The following ABCB7 variants were observed in gnomAD, a reference collection of about 807,000 sequenced individuals.
The protein encoded by ABCB7 is ATP binding cassette subfamily B member 7.
In ABCB7, 7 loss-of-function variants were observed where a neutral mutation model predicts 54.4. The ratio of observed to expected loss-of-function variants is 0.13; its 90% confidence interval spans 0.07 to 0.24. The LOEUF (loss-of-function observed/expected upper bound fraction) is 0.24, where lower values mean the gene tolerates loss of function less well. Ranked by LOEUF, ABCB7 falls within the 10% of genes least tolerant of loss-of-function variation. The pLI is 1.00. For synonymous variants in ABCB7, 218 were observed against 207.1 expected, an observed-to-expected ratio of 1.05 and a Z score of -0.45; for missense variants, 356 against 570.4, an observed-to-expected ratio of 0.62 and a Z score of 3.83.
intron 1 of ABCB7, among the ~76,000 whole-genome samples, chrX:75,152,658 T>TG (rs2082140382): frequency 9.2e-6 from 1 of 108,349 alleles, no homozygotes; most frequent in African/African-American, 3.3e-5. Context: ...TTCAGGTCCT[T>TG]TTTTTTTTTT....
chrX:75,064,968 T>C (rs2081306721), intron 13 of ABCB7, 102 bp downstream of exon 13: 1 of 964,286 alleles, frequency 1.0e-6, no homozygotes, highest in African/African-American at 1.9e-5. Context: ...CAACGAGCAC[T>C]ACATTTGAAG....
At chrX:75,119,693 T>C (rs1439190236) in intron 1 of ABCB7, among the ~76,000 whole-genome samples, 10 of 112,047 alleles carry the variant, frequency 8.9e-5, no homozygotes, top group Non-Finnish European at 1.5e-4. Context: ...CTTTGGGCTG[T>C]ATTTATATAA....
At chrX:75,083,279 T>C (rs2081470729) in intron 4 of ABCB7, among the ~76,000 whole-genome samples, 1 of 111,253 alleles carries the variant, frequency 9.0e-6, no homozygotes, top group Non-Finnish European at 1.9e-5. Flanking sequence ...CCCCACCCCC[T>C]CTAGTTGTGA....
chrX:75,060,183 G>A, intron 15 of ABCB7, 40 bp downstream of exon 15: 2 of 1,039,640 alleles, frequency 1.9e-6, no homozygotes, highest in Admixed American at 4.4e-5. Context: ...ACAATTTCCA[G>A]TGTTCCTCAA....
intron 1 of ABCB7, 133 bp from the exon 2 acceptor site, chrX:75,114,964 G>A (rs918621770): frequency 1.9e-5 from 10 of 538,645 alleles, no homozygotes; most frequent in South Asian, 1.7e-4. Flanking sequence ...TGCTTTTAAC[G>A]TATGCCTAAA....
intron 4 of ABCB7, 23 bp downstream of exon 4, chrX:75,098,919 C>A (rs1370779722): frequency 5.0e-6 from 6 of 1,208,958 alleles, no homozygotes; most frequent in Non-Finnish European, 6.7e-6. Flanking sequence ...GTTAGAGCAA[C>A]CAAACAATGC....
chrX:75,062,194 G>A, intron 14 of ABCB7, 134 bp downstream of exon 14: 3 of 526,781 alleles, frequency 5.7e-6, no homozygotes, highest in Non-Finnish European at 6.4e-6. Context: ...ATGGAAAAAG[G>A]GGGATAGGCA....
chrX:75,106,296 A>G (rs938435608), intron 3 of ABCB7, among the ~76,000 whole-genome samples: 8 of 111,960 alleles, frequency 7.1e-5, no homozygotes, highest in African/African-American at 2.3e-4. Flanking sequence ...GAAGCGAGCT[A>G]AAGACATGAA....
chrX:75,095,693 T>A (rs2081584802), intron 4 of ABCB7, among the ~76,000 whole-genome samples: 1 of 112,519 alleles, frequency 8.9e-6, no homozygotes, highest in Non-Finnish European at 1.9e-5. Context: ...TTCTCCTGAT[T>A]CAAAAGAAAT....
At chrX:75,108,799 G>T (rs189375309) in intron 3 of ABCB7, among the ~76,000 whole-genome samples, 1 of 111,265 alleles carries the variant, frequency 9.0e-6, no homozygotes, top group Non-Finnish European at 1.9e-5. Context: ...ACTGATATCA[G>T]AAATACTCAC....
chrX:75,070,829 T>C (rs1416942732), intron 9 of ABCB7, among the ~76,000 whole-genome samples: 1 of 111,232 alleles, frequency 9.0e-6, no homozygotes, highest in Non-Finnish European at 1.9e-5. Context: ...AATGGTTTCT[T>C]TGTAGTGTAA....
At chrX:75,131,086 C>CA (rs373163620) in intron 1 of ABCB7, among the ~76,000 whole-genome samples, 61 of 106,944 alleles carry the variant, frequency 5.7e-4, no homozygotes, top group African/African-American at 9.5e-4. Flanking sequence ...AAATGAATCT[C>CA]AAAAAAAACA....
intron 1 of ABCB7, among the ~76,000 whole-genome samples, chrX:75,133,690 AG>A (rs1222854530): frequency 8.9e-6 from 1 of 112,366 alleles, no homozygotes; most frequent in East Asian, 2.8e-4. Context: ...GCATCTTTAA[AG>A]AAAAGAAATT....
At chrX:75,099,686 T>C (rs1041275990) in intron 3 of ABCB7, among the ~76,000 whole-genome samples, 1 of 111,197 alleles carries the variant, frequency 9.0e-6, no homozygotes, top group Non-Finnish European at 1.9e-5. Context: ...TAAATTCTTT[T>C]GCTTTACTTT....
At chrX:75,125,166 A>G (rs1280519287) in intron 1 of ABCB7, among the ~76,000 whole-genome samples, 1 of 111,654 alleles carries the variant, frequency 9.0e-6, no homozygotes, top group Non-Finnish European at 1.9e-5. Context: ...ACCATTCTGT[A>G]TGGCTCAATA....
intron 9 of ABCB7, 150 bp downstream of exon 9, chrX:75,071,359 A>G: frequency 9.6e-6 from 6 of 626,443 alleles, no homozygotes; most frequent in Non-Finnish European, 1.5e-5. Flanking sequence ...ACCATCAAGT[A>G]AATACATTCT....
chrX:75,112,748 A>G, intron 3 of ABCB7, 138 bp downstream of exon 3: 4 of 402,296 alleles, frequency 9.9e-6, no homozygotes, highest in South Asian at 3.4e-5. Flanking sequence ...GTCAATTAAT[A>G]TGTTTTTTTT....
chrX:75,094,013 TA>T (rs2081565681), intron 4 of ABCB7, among the ~76,000 whole-genome samples: 1 of 63,689 alleles, frequency 1.6e-5, no homozygotes, highest in Non-Finnish European at 2.7e-5. Context: ...ATGTTTCTGT[TA>T]TATACATATA....
intron 1 of ABCB7, among the ~76,000 whole-genome samples, chrX:75,142,041 G>C (rs1464843131): frequency 9.0e-6 from 1 of 111,506 alleles, no homozygotes; most frequent in East Asian, 2.8e-4. Flanking sequence ...ATGATTAAAT[G>C]AGAGAGAAGG....
Sources: gnomAD v4.1 joint callset for allele counts (sites outside exome capture counted in the v4.1 genomes callset) on GRCh38, gnomAD v4.1.1 for gene constraint, MANE v1.5 for transcripts, NCBI Gene and HGNC (gene_info 2026-07-23, HGNC 2026-07-21) for gene names.